The following MAPT variants were observed in gnomAD, a reference collection of about 807,000 sequenced individuals.
MAPT encodes microtubule associated protein tau.
In MAPT, 34 loss-of-function variants were observed where a neutral mutation model predicts 67.9. The observed-to-expected ratio is 0.50, with a 90% CI of 0.38 to 0.67. MAPT has a LOEUF of 0.67. MAPT is among the 30% of genes least tolerant of loss of function. The pLI, the probability that MAPT is intolerant of heterozygous loss-of-function variation, is 0.00. For synonymous variants in MAPT, 456 were observed against 464.5 expected, an observed-to-expected ratio of 0.98 and a Z score of 0.23; for missense variants, 881 against 1,115.2, an observed-to-expected ratio of 0.79 and a Z score of 2.99.
chr17:45,927,302 C>T lies in MAPT; in HGVS notation c.-18+32616C>T, dbSNP rs145928858. ...CTTAGATGTTGGGGAAGGGGGTAGT[C>T]GCTGAGGTGTGGTTGACTTAGGATG... On this transcript the variant is annotated intron_variant, in intron 1 of 12. Transcript: ENST00000262410. Among the ~76,000 whole-genome samples the T allele has an allele frequency of 2.4e-3, 361 of 152,174 alleles. 1 individual carries two copies. Among genetic ancestry groups the T allele is most frequent in the Middle Eastern group, 0.017 (5 of 294 alleles).
chr17:45,966,685 A>G (rs1438723190), intron 2 of MAPT, among the ~76,000 whole-genome samples: 1 of 152,228 alleles, frequency 6.6e-6, no homozygotes, highest in African/African-American at 2.4e-5. Context: ...AGTGAGGACA[A>G]GTTCACCAAG....
At chr17:45,985,711 T>C in intron 5 of MAPT, 1 of 985,408 alleles carries the variant, frequency 1.0e-6, no homozygotes, top group African/African-American at 1.7e-5. Flanking sequence ...GTGCCGTGGA[T>C]GGTGCTGGTT....
At chr17:45,974,188 C>T (rs1432205678) in intron 3 of MAPT, 1 of 618,722 alleles carries the variant, frequency 1.6e-6, no homozygotes, top group African/African-American at 1.8e-5. Flanking sequence ...GAGCCAGAAC[C>T]ACTCAGCAGC....
chr17:45,949,310 C>T (rs2145085836), intron 1 of MAPT, among the ~76,000 whole-genome samples: 1 of 152,374 alleles, frequency 6.6e-6, no homozygotes, highest in Non-Finnish European at 1.5e-5. Flanking sequence ...CGGATTTAGA[C>T]TGGAAGCTCG....
intron 3 of MAPT, chr17:45,972,967 G>A (rs1194506329): frequency 6.6e-6 from 1 of 152,212 alleles, no homozygotes; most frequent in Non-Finnish European, 1.5e-5. Context: ...GGGGAAGAAC[G>A]TTAATAGTGG....
In MAPT at chr17:46,010,131, C is replaced by T. The variant is rs546215985; in HGVS notation, c.1999-179C>T. On this transcript the variant is annotated intron_variant, in intron 9 of 12. Transcript: ENST00000262410. The surrounding 1 kb of genome is among the most constrained non-coding windows in gnomAD (Gnocchi z 4.7). The stretch of plus-strand genomic sequence containing the variant: ...TCCCTTCAGCTCCCCTGGGATGTGA[C>T]TCAACCTCCCGTCACTCCCCAGACT... Among the ~76,000 whole-genome samples, 1 of 152,178 alleles carries T rather than the reference C, an allele frequency of 6.6e-6. No homozygotes were observed. The highest frequency in any genetic ancestry group is 1.5e-5 in the Non-Finnish European group (1 of 68,034).
At chr17:45,921,360 C>T (rs1229180122) in intron 1 of MAPT, among the ~76,000 whole-genome samples, 1 of 152,210 alleles carries the variant, frequency 6.6e-6, no homozygotes, top group Admixed American at 6.5e-5. Context: ...GAAGACAAAC[C>T]TGGTCAGAGC....
intron 1 of MAPT, among the ~76,000 whole-genome samples, chr17:45,954,314 A>G (rs1460592743): frequency 6.6e-6 from 1 of 152,142 alleles, no homozygotes; most frequent in Non-Finnish European, 1.5e-5. Context: ...AAAGCCTTAC[A>G]ATATTTACTA....
At chr17:46,011,859 C>A (rs1315592731) in intron 10 of MAPT, among the ~76,000 whole-genome samples, 2 of 152,214 alleles carry the variant, frequency 1.3e-5, no homozygotes, top group African/African-American at 4.8e-5. Context: ...GGCTTCTGCC[C>A]TGAGGCCCCT....
intron 9 of MAPT, among the ~76,000 whole-genome samples, chr17:46,008,227 G>A (rs2075582987): frequency 6.6e-6 from 1 of 152,170 alleles, no homozygotes; most frequent in African/African-American, 2.4e-5. Context: ...CTCCCGAGTA[G>A]CTGGGTTGCG....
In MAPT at chr17:45,993,928, T is replaced by C. The variant is rs62063845; in HGVS notation, c.1732+2342T>C. The C allele has an allele frequency of 0.19, 298,513 of 1,571,794 alleles. 32,173 individuals carry two copies. Among genetic ancestry groups the C allele is most frequent in the Non-Finnish European group, 0.22 (256,550 of 1,157,438 alleles). On this transcript the variant is annotated intron_variant, in intron 8 of 12. Coordinates refer to ENST00000262410, the MANE Select transcript of MAPT (RefSeq NM_001377265.1). Reference sequence around the variant, plus strand: ...TCGTGGATTTTTCTCTTTAAGCGACTAAGCAAGTCCAGAGAAGACCACCCC... The same window carrying C: ...TCGTGGATTTTTCTCTTTAAGCGACCAAGCAAGTCCAGAGAAGACCACCCC...
intron 10 of MAPT, among the ~76,000 whole-genome samples, chr17:46,012,351 C>T (rs1354883130): frequency 6.6e-6 from 1 of 152,058 alleles, no homozygotes; most frequent in African/African-American, 2.4e-5. Context: ...CTGTGACCCG[C>T]GCTGTGCTCG....
intron 1 of MAPT, among the ~76,000 whole-genome samples, chr17:45,939,974 A>T (rs762238645): frequency 9.9e-5 from 15 of 152,178 alleles, no homozygotes; most frequent in Non-Finnish European, 1.8e-4. Flanking sequence ...TGTGTAGCTT[A>T]AAGGAATCAG....
intron 1 of MAPT, among the ~76,000 whole-genome samples, chr17:45,946,702 A>G (rs539035332): frequency 8.6e-5 from 13 of 151,032 alleles, no homozygotes; most frequent in Admixed American, 6.6e-4. Context: ...TCCAAGCATG[A>G]CAGATTTACA....
chr17:45,977,421 T>C (rs1351959669), intron 3 of MAPT: 1 of 152,224 alleles, frequency 6.6e-6, no homozygotes, highest in Non-Finnish European at 1.5e-5. Flanking sequence ...CCTCTGTCAT[T>C]GTCCTCAGGA....
chr17:45,938,492 C>G (rs962676488), intron 1 of MAPT, among the ~76,000 whole-genome samples: 2 of 152,236 alleles, frequency 1.3e-5, no homozygotes, highest in African/African-American at 2.4e-5. Flanking sequence ...GATGATCTCT[C>G]TATTTTAGAG....
intron 1 of MAPT, among the ~76,000 whole-genome samples, chr17:45,916,605 A>G (rs1469471840): frequency 6.6e-6 from 1 of 152,036 alleles, no homozygotes; most frequent in African/African-American, 2.4e-5. Flanking sequence ...ACAGCCCCCA[A>G]ATGTGTGACA....
chr17:45,931,070 G>A (rs563640896), intron 1 of MAPT, among the ~76,000 whole-genome samples: 15 of 152,266 alleles, frequency 9.9e-5, no homozygotes, highest in Non-Finnish European at 1.8e-4. Flanking sequence ...AGAGAAACGG[G>A]CATTGTCATT....
At chr17:46,013,183 G>A (rs2075939289) in intron 10 of MAPT, among the ~76,000 whole-genome samples, 1 of 152,142 alleles carries the variant, frequency 6.6e-6, no homozygotes, top group African/African-American at 2.4e-5. Context: ...GCTTCCTCGG[G>A]AGCTGACTGA....
Sources: gnomAD v4.1 joint callset for allele counts (sites outside exome capture counted in the v4.1 genomes callset) on GRCh38, gnomAD v4.1.1 for gene constraint, Gnocchi (gnomAD v3.1) non-coding constraint, MANE v1.5 for transcripts, NCBI Gene and HGNC (gene_info 2026-07-23, HGNC 2026-07-21) for gene names.